LRP1: variants seen among roughly 807,000 people sequenced by gnomAD.
The protein encoded by LRP1 is prolow-density lipoprotein receptor-related protein 1.
Under a neutral mutation model 541.5 loss-of-function variants are expected in LRP1, and 51 were observed. That is an observed-to-expected ratio of 0.09 (90% CI 0.08 to 0.12). The LOEUF (loss-of-function observed/expected upper bound fraction) is 0.12, where lower values mean the gene tolerates loss of function less well. LRP1 is among the 10% of genes least tolerant of loss of function. The pLI is 1.00. For synonymous variants in LRP1, 2,219 were observed against 2,470.8 expected (o/e 0.90, Z 3.02); for missense variants, 3,878 against 6,376.2 (o/e 0.61, Z 13.34).
Position 57,194,996 on chromosome 12 carries a change from T to C in LRP1, c.8203T>C (p.Ser2735Pro). ...EDETHCNKFCSEAQFECQNHR... is the reference protein window; with the variant it reads ...EDETHCNKFCPEAQFECQNHR... ...TCTGACTGCCCCAGACAAGTTCTGC[T>C]CAGAGGCCCAGTTTGAGTGCCAGAA... Residue 2735 changes from serine to proline, a missense_variant, in exon 51 of 89, where the codon TCA becomes CCA. Coordinates refer to ENST00000243077, the MANE Select transcript of LRP1 (RefSeq NM_002332.3). The C allele has an allele frequency of 6.2e-7, 1 of 1,613,822 alleles. No homozygotes were observed. The highest frequency in any genetic ancestry group is 8.5e-7 in the Non-Finnish European group (1 of 1,179,810).
chr12:57,210,475 C>T lies in LRP1; in HGVS notation c.12749C>T (p.Pro4250Leu), dbSNP rs998613973. 3.3e-6 allele frequency: 5 copies of T among 1,525,654 alleles called. No homozygotes were observed. The highest frequency in any genetic ancestry group is 1.4e-5 in the African/African-American group (1 of 72,466). 94.5% of individuals were successfully genotyped at this position (1,525,654 alleles called of 1,614,324 possible). A position where few individuals can be genotyped will look rare whatever the true frequency, so the allele number is the denominator to read the frequency against. The change falls in exon 82 of 89, where the codon CCC becomes CTC. Residue 4250 changes from proline to leucine, a missense_variant. Coordinates refer to ENST00000243077, the MANE Select transcript of LRP1 (RefSeq NM_002332.3). ...AATGGGGGCACCTGTGCTGCCTCCC[C>T]CTCTGGTATGCCCCCTCATCCCGCC... Reference protein sequence around the residue: ...CRNGGTCAASPSGMPTCRCPT... With the variant: ...CRNGGTCAASLSGMPTCRCPT...
Position 57,208,137 on chromosome 12 carries a change from A to G in LRP1, c.11959A>G (p.Met3987Val). ...SGRDVIEVAQMKGENRKTLIS... is the reference protein window; with the variant it reads ...SGRDVIEVAQVKGENRKTLIS... ...CCGAGATGTGATTGAGGTGGCGCAG[A>G]TGAAGGGCGAGAACCGCAAGACGCT... The change falls in exon 77 of 89, where the codon ATG (methionine) becomes GTG (valine). Residue 3987 changes from methionine (M) to valine (V), a missense_variant. Physicochemically the swap from Met to Val is conservative, Grantham distance 21 (BLOSUM62 1). This residue lies in a region of LRP1 where 871 missense variants were observed against 1,212.4 expected (regional missense o/e 0.72). Coordinates refer to ENST00000243077, the MANE Select transcript of LRP1 (RefSeq NM_002332.3). 6.2e-7 allele frequency: 1 copy of G among 1,614,182 alleles called. No individual in the cohort carries two copies. Among genetic ancestry groups the G allele is most frequent in the Non-Finnish European group, 8.5e-7 (1 of 1,180,034 alleles).
rs2136676972 is a variant in LRP1, at chr12:57,156,937, G to A, written c.1561+17G>A. The A allele has an allele frequency of 6.4e-7, 1 of 1,557,656 alleles. No individual in the cohort carries two copies. Among genetic ancestry groups the A allele is most frequent in the Non-Finnish European group, 8.7e-7 (1 of 1,149,030 alleles). On this transcript the variant is annotated intron_variant, in intron 10 of 88. Coordinates refer to ENST00000243077, the MANE Select transcript of LRP1 (RefSeq NM_002332.3). The surrounding 1 kb of genome is among the most constrained non-coding windows in gnomAD (Gnocchi z 5.2). ...CATGCAAGAGTGAGTGACAGGGAAGGGGGTGTGTGCCCATTGGGAGGCTGC... is the reference window on the plus strand; with the variant it reads ...CATGCAAGAGTGAGTGACAGGGAAGAGGGTGTGTGCCCATTGGGAGGCTGC...
intron 44 of LRP1, among the ~76,000 whole-genome samples, chr12:57,192,523 C>T (rs1367072463): frequency 6.6e-6 from 1 of 152,132 alleles, no homozygotes; most frequent in East Asian, 1.9e-4. Context: ...CAGGTGTCTC[C>T]CATGCGCCCT....
Position 57,179,547 on chromosome 12 carries a change from G to T in LRP1, c.4957G>T (p.Val1653Phe). 1 of 1,613,748 alleles carries T rather than the reference G, an allele frequency of 6.2e-7. No homozygotes were observed. Among genetic ancestry groups the T allele is most frequent in the Non-Finnish European group, 8.5e-7 (1 of 1,179,844 alleles). ...FINGTGVETVVSADLPNAHGL... is the reference protein window; with the variant it reads ...FINGTGVETVFSADLPNAHGL... ...CAACGGCACAGGCGTGGAGACAGTC[G>T]TCTCTGCAGGTTCTTCCTGGCCCTG... is the stretch of plus-strand genomic sequence containing the variant. The change falls in exon 29 of 89, where the codon GTC (valine) becomes TTC (phenylalanine). Residue 1653 changes from valine to phenylalanine, a missense_variant. By Grantham distance (50) the Val-to-Phe change is conservative. Transcript: ENST00000243077. This position sits in a 1 kb window ranked among gnomAD's most constrained non-coding sequence, Gnocchi z 6.8.
Position 57,188,365 on chromosome 12 carries a change from A to T in LRP1, c.7031+909A>T, listed in dbSNP as rs182539962. On this transcript the variant is annotated intron_variant, in intron 42 of 88. Transcript: ENST00000243077. ...GCTTTACTAGGAAACTAGTAAACACAACCCAAAGCAGCTGTATAGATACGT... is the reference window on the plus strand; with the variant it reads ...GCTTTACTAGGAAACTAGTAAACACTACCCAAAGCAGCTGTATAGATACGT... Among the ~76,000 whole-genome samples, 30 of 152,322 alleles carry T rather than the reference A, an allele frequency of 2.0e-4. 1 individual carries two copies. The highest frequency in any genetic ancestry group is 1.0e-3 in the Admixed American group (16 of 15,308).
intron 1 of LRP1, among the ~76,000 whole-genome samples, chr12:57,135,828 G>A (rs1305907525): frequency 6.6e-6 from 1 of 152,208 alleles, no homozygotes; most frequent in Non-Finnish European, 1.5e-5. Flanking sequence ...CAAAAATGGG[G>A]GTGGGGGACA....
Position 57,212,257 on chromosome 12 carries a change from A to T in LRP1, c.13490A>T (p.Asp4497Val), listed in dbSNP as rs1159689286. ...GACGCTGACTTTGCCCTGGACCCTG[A>T]CAAGGTGGGCTGGGAGGCGGGCAGG... The part of the protein sequence containing the change: ...LLDADFALDP[D>V]KPTNFTNPVY... The change falls in exon 88 of 89, where the codon GAC becomes GTC. Residue 4497 changes from aspartate (D) to valine (V), a missense_variant. By Grantham distance (152) the Asp-to-Val change is radical. Around this residue, in one of 13 missense-constraint regions of LRP1, gnomAD observed 871 missense variants for 1,212.4 expected, o/e 0.72. Coordinates refer to ENST00000243077, the MANE Select transcript of LRP1 (RefSeq NM_002332.3). The surrounding 1 kb of genome is among the most constrained non-coding windows in gnomAD (Gnocchi z 5.0). 1.2e-6 allele frequency: 2 copies of T among 1,612,932 alleles called. No homozygotes were observed. Among genetic ancestry groups the T allele is most frequent in the African/African-American group, 1.3e-5 (1 of 74,884 alleles).
In LRP1 at chr12:57,179,029, C is replaced by A; in HGVS notation, c.4738+8C>A. The A allele has an allele frequency of 6.2e-7, 1 of 1,611,804 alleles. No individual in the cohort carries two copies. The highest frequency in any genetic ancestry group is 1.1e-5 in the South Asian group (1 of 90,762). On this transcript the variant is annotated splice_region_variant and intron_variant, in intron 28 of 88. Coordinates refer to ENST00000243077, the MANE Select transcript of LRP1 (RefSeq NM_002332.3). The surrounding 1 kb of genome is among the most constrained non-coding windows in gnomAD (Gnocchi z 6.8). ...ACAACACCACCTGCTATGGTAGGAGCCCCTCCCTCCAGAGCCAGTGAGCAA... is the reference window on the plus strand; with the variant it reads ...ACAACACCACCTGCTATGGTAGGAGACCCTCCCTCCAGAGCCAGTGAGCAA...
intron 12 of LRP1, among the ~76,000 whole-genome samples, chr12:57,160,523 C>T (rs997837306): frequency 3.9e-5 from 6 of 152,144 alleles, no homozygotes; most frequent in Non-Finnish European, 7.4e-5. Context: ...CTCCATCACT[C>T]CCCTGACACC....
Position 57,200,834 on chromosome 12 carries a change from A to T in LRP1, c.10225+19A>T. The T allele has an allele frequency of 1.6e-6, 1 of 629,448 alleles. No individual in the cohort carries two copies. Among genetic ancestry groups the T allele is most frequent in the Non-Finnish European group, 2.2e-6 (1 of 451,676 alleles). The allele number at this position is 629,448 out of a possible 1,614,324, so 39.0% of individuals were successfully genotyped here. ...AACTGTGGTAAGGCGCTGCCCGCCC[A>T]CCCTCCCTCCTTCCCCAGCATCTTC... On this transcript the variant is annotated intron_variant, in intron 64 of 88. Transcript: ENST00000243077.
chr12:57,184,782 C>A lies in LRP1; in HGVS notation c.6187-57C>A, dbSNP rs1430623686. ...CCCAGGCACTCCCTGCTGCCCCAGACATGGGGCTGGCAGCGAGCTCAGCCC... is the reference window on the plus strand; with the variant it reads ...CCCAGGCACTCCCTGCTGCCCCAGAAATGGGGCTGGCAGCGAGCTCAGCCC... On this transcript the variant is annotated intron_variant, in intron 38 of 88. Coordinates refer to ENST00000243077, the MANE Select transcript of LRP1 (RefSeq NM_002332.3). This position sits in a 1 kb window ranked among gnomAD's most constrained non-coding sequence, Gnocchi z 7.8. 6.4e-7 allele frequency: 1 copy of A among 1,563,620 alleles called. No individual in the cohort carries two copies. Among genetic ancestry groups the A allele is most frequent in the Non-Finnish European group, 8.7e-7 (1 of 1,146,286 alleles).
Position 57,211,154 on chromosome 12 carries a change from T to C in LRP1, c.12917-22T>C, listed in dbSNP as rs770825527. ...CTCATGAGGGTGGGGCTTGAGGCAC[T>C]TCTCTCCCTCCCCAACCACAGGGCA... On this transcript the variant is annotated intron_variant, in intron 83 of 88. Coordinates refer to ENST00000243077, the MANE Select transcript of LRP1 (RefSeq NM_002332.3). The surrounding 1 kb of genome is among the most constrained non-coding windows in gnomAD (Gnocchi z 4.3). 1.2e-6 allele frequency: 2 copies of C among 1,611,638 alleles called. No individual in the cohort carries two copies. The highest frequency in any genetic ancestry group is 3.3e-5 in the Admixed American group (2 of 59,992).
In LRP1 at chr12:57,210,369, C is replaced by T. The variant is rs748740550; in HGVS notation, c.12643C>T (p.Arg4215Trp). 83 of 1,604,278 alleles carry T rather than the reference C, an allele frequency of 5.2e-5. No homozygotes were observed. The highest frequency in any genetic ancestry group is 6.6e-5 in the Non-Finnish European group (77 of 1,174,410). ...CGGTGGCAGCTGTTTCCTCAATGCA[C>T]GGAGGCAGCCCAAGTGCCGCTGCCA... Reference protein sequence around the residue: ...FNGGSCFLNARRQPKCRCQPR... With the variant: ...FNGGSCFLNAWRQPKCRCQPR... The change falls in exon 82 of 89, where the codon CGG (arginine) becomes TGG (tryptophan). Residue 4215 changes from arginine (R) to tryptophan (W), a missense_variant. Transcript: ENST00000243077.
Position 57,194,132 on chromosome 12 carries a change from C to T in LRP1, c.7918+120C>T, listed in dbSNP as rs1376294829. On this transcript the variant is annotated intron_variant, in intron 48 of 88. Transcript: ENST00000243077. ...CTCTGCCTTCCCTCATCCCCGCTGA[C>T]AGCCTCCATCTCCCTGAGGCCCTGT... The T allele has an allele frequency of 1.7e-5, 18 of 1,039,408 alleles. No individual in the cohort carries two copies. The East Asian group carries it at 4.4e-4, about 26-fold the overall frequency. 64.4% of individuals were successfully genotyped at this position (1,039,408 alleles called of 1,614,324 possible).
Position 57,177,317 on chromosome 12 carries a change from C to T in LRP1, c.4196+72C>T. ...GTCCCATTCAGCCTGGCCAGGGACA[C>T]CTTACTCCTCAGTGCCATCTGCCTC... On this transcript the variant is annotated intron_variant, in intron 25 of 88. Transcript: ENST00000243077. This position sits in a 1 kb window ranked among gnomAD's most constrained non-coding sequence, Gnocchi z 6.8. The T allele has an allele frequency of 6.3e-7, 1 of 1,579,482 alleles. No homozygotes were observed.
rs572303965 is a variant in LRP1, at chr12:57,149,503, C to A, written c.841+4013C>A. 1.5e-5 allele frequency: 9 copies of A among 616,350 alleles called. No homozygotes were observed. In the African/African-American group the frequency reaches 1.7e-4, roughly 11 times the overall value. 38.2% of individuals were successfully genotyped at this position (616,350 alleles called of 1,614,324 possible). On this transcript the variant is annotated intron_variant, in intron 6 of 88. Transcript: ENST00000243077. ...GCTGTTTTCAAGCCAAAGGAAGTAA[C>A]TTAAGCAAGAGAGATGTGTTTTAGA...
intron 22 of LRP1, 126 bp from the exon 23 acceptor site, chr12:57,175,334 T>A (rs2036020955): frequency 9.0e-7 from 1 of 1,107,360 alleles, no homozygotes. Context: ...TGGAGACGAA[T>A]GGGGCCGTGG....
chr12:57,166,704 G>A (rs1325204037), intron 17 of LRP1, among the ~76,000 whole-genome samples: 7 of 152,218 alleles, frequency 4.6e-5, no homozygotes, highest in Non-Finnish European at 8.8e-5. Flanking sequence ...AGACTGGAGA[G>A]GAGGAACAAG....
Sources: gnomAD v4.1 joint callset for allele counts (sites outside exome capture counted in the v4.1 genomes callset) on GRCh38, gnomAD v4.1.1 for gene constraint, gnomAD v4.1.1 regional missense constraint, Gnocchi (gnomAD v3.1) non-coding constraint, MANE v1.5 for transcripts, NCBI Gene and HGNC (gene_info 2026-07-23, HGNC 2026-07-21) for gene names.